Variants in MARCHF3 observed in about 807,000 individuals in gnomAD.
MARCHF3 encodes membrane associated ring-CH-type finger 3, also known as E3 ubiquitin-protein ligase MARCHF3.
A neutral mutation model predicts 24.2 loss-of-function variants in MARCHF3; 13 were observed. The ratio of observed to expected loss-of-function variants is 0.54; its 90% CI spans 0.35 to 0.85. The LOEUF is 0.85. Among genes scored for constraint, MARCHF3 ranks in the 40% least tolerant of loss-of-function variants. The pLI, the probability that MARCHF3 is intolerant of heterozygous loss-of-function variation, is 0.01. For synonymous variants in MARCHF3, 144 were observed against 137.3 expected (o/e 1.05, Z -0.34); for missense variants, 276 against 325.0 (o/e 0.85, Z 1.16).
intron 3 of MARCHF3, among the ~76,000 whole-genome samples, chr5:126,879,689 C>T (rs557316046): frequency 6.6e-6 from 1 of 152,276 alleles, no homozygotes; most frequent in African/African-American, 2.4e-5. Context: ...AGTAATGAGG[C>T]CTGATAGCTC....
chr5:126,899,134 A>G (rs1222413054), intron 3 of MARCHF3: 1 of 985,304 alleles, frequency 1.0e-6, no homozygotes, highest in Non-Finnish European at 1.2e-6. Context: ...CAGCGTTCCT[A>G]TCTCTTCAAG....
intron 1 of MARCHF3, among the ~76,000 whole-genome samples, chr5:126,952,418 T>C (rs1750278096): frequency 6.6e-6 from 1 of 152,192 alleles, no homozygotes; most frequent in South Asian, 2.1e-4. Context: ...AGGCTTAACA[T>C]TTCCATTTTA....
chr5:126,956,662 A>AAC (rs1405878682), intron 1 of MARCHF3, among the ~76,000 whole-genome samples: 6 of 140,434 alleles, frequency 4.3e-5, no homozygotes, highest in East Asian at 6.4e-4. Context: ...AAAAAAAAAA[A>AAC]AAAAAAAAAC....
intron 3 of MARCHF3, among the ~76,000 whole-genome samples, chr5:126,889,093 A>G (rs919974115): frequency 2.6e-5 from 4 of 152,112 alleles, no homozygotes; most frequent in African/African-American, 9.7e-5. Flanking sequence ...CACAAATAGC[A>G]GCTCTCATTC....
chr5:126,971,372 C>T (rs1028263285), intron 1 of MARCHF3, among the ~76,000 whole-genome samples: 1 of 151,162 alleles, frequency 6.6e-6, no homozygotes, highest in African/African-American at 2.4e-5. Context: ...TGGCATGAAC[C>T]CGGGAGGCAG....
intron 1 of MARCHF3, among the ~76,000 whole-genome samples, chr5:126,987,950 A>C (rs767430309): frequency 2.6e-5 from 4 of 152,206 alleles, no homozygotes; most frequent in Admixed American, 6.5e-5. Context: ...ATAGTAGATA[A>C]CATTAACATT....
At chr5:126,969,224 C>T (rs1185732052) in intron 1 of MARCHF3, among the ~76,000 whole-genome samples, 1 of 152,102 alleles carries the variant, frequency 6.6e-6, no homozygotes, top group Non-Finnish European at 1.5e-5. Context: ...TTTTGATGGC[C>T]TCCAAGAGTT....
At chr5:126,881,249 C>T (rs1185296132) in intron 3 of MARCHF3, among the ~76,000 whole-genome samples, 2 of 152,006 alleles carry the variant, frequency 1.3e-5, no homozygotes, top group Admixed American at 1.3e-4. Context: ...GCTGGTTGTA[C>T]TTAGGTATGG....
chr5:126,900,136 AT>A (rs920698803), intron 3 of MARCHF3, among the ~76,000 whole-genome samples: 2 of 151,364 alleles, frequency 1.3e-5, no homozygotes, highest in Non-Finnish European at 1.5e-5. Flanking sequence ...TTTACTCATA[AT>A]TTTTTTTTCC....
intron 3 of MARCHF3, among the ~76,000 whole-genome samples, chr5:126,905,901 A>G (rs886275615): frequency 3.3e-5 from 5 of 152,150 alleles, no homozygotes; most frequent in African/African-American, 1.2e-4. Context: ...GCCAGTTTTC[A>G]AAAGGAATGC....
At chr5:126,952,796 A>T (rs554450163) in intron 1 of MARCHF3, among the ~76,000 whole-genome samples, 1 of 152,198 alleles carries the variant, frequency 6.6e-6, no homozygotes, top group African/African-American at 2.4e-5. Flanking sequence ...TTCTTCTATT[A>T]CCCAAATCCT....
chr5:126,955,992 CCTTT>C (rs1750428056), intron 1 of MARCHF3, among the ~76,000 whole-genome samples: 2 of 152,248 alleles, frequency 1.3e-5, no homozygotes, highest in African/African-American at 2.4e-5. Context: ...CATTAATCTA[CCTTT>C]CTTTTTCATG....
intron 1 of MARCHF3, among the ~76,000 whole-genome samples, chr5:126,940,040 A>C (rs1749776882): frequency 6.6e-6 from 1 of 152,154 alleles, no homozygotes; most frequent in South Asian, 2.1e-4. Context: ...AAATGCAAAA[A>C]AATGTGGAAA....
chr5:126,906,049 C>T (rs1285557102), intron 3 of MARCHF3, among the ~76,000 whole-genome samples: 6 of 151,328 alleles, frequency 4.0e-5, no homozygotes, highest in African/African-American at 1.5e-4. Flanking sequence ...TTGTCAAAGG[C>T]CTTTTCTGCA....
chr5:126,900,098 G>C (rs973857982), intron 3 of MARCHF3, among the ~76,000 whole-genome samples: 2 of 151,972 alleles, frequency 1.3e-5, no homozygotes, highest in Non-Finnish European at 2.9e-5. Context: ...TTTAATAGAC[G>C]AATCTGGTGT....
At chr5:126,985,024 G>A (rs2126838611) in intron 1 of MARCHF3, among the ~76,000 whole-genome samples, 1 of 152,260 alleles carries the variant, frequency 6.6e-6, no homozygotes. Context: ...GAAGTCAAAG[G>A]TGGGTGTGAG....
chr5:126,935,177 A>T (rs1749603235), intron 1 of MARCHF3, among the ~76,000 whole-genome samples: 1 of 152,168 alleles, frequency 6.6e-6, no homozygotes, highest in African/African-American at 2.4e-5. Flanking sequence ...TATTTAGTCA[A>T]ATATTATTCT....
At chr5:126,880,557 A>G (rs1255178157) in intron 3 of MARCHF3, among the ~76,000 whole-genome samples, 8 of 152,204 alleles carry the variant, frequency 5.3e-5, no homozygotes, top group African/African-American at 1.7e-4. Flanking sequence ...TGGAGAGTAG[A>G]AATAGGGCAT....
At chr5:126,907,243 T>C (rs1251440152) in intron 3 of MARCHF3, among the ~76,000 whole-genome samples, 35 of 145,330 alleles carry the variant, frequency 2.4e-4, no homozygotes, top group African/African-American at 8.7e-4. Flanking sequence ...TCCAAGTATG[T>C]GGTCAATTTT....
Sources: gnomAD v4.1 joint callset for allele counts (sites outside exome capture counted in the v4.1 genomes callset) on GRCh38, gnomAD v4.1.1 for gene constraint, MANE v1.5 for transcripts, NCBI Gene and HGNC (gene_info 2026-07-23, HGNC 2026-07-21) for gene names.